The following CIITA variants were observed in gnomAD, a reference collection of about 807,000 sequenced individuals.
The protein encoded by CIITA is MHC class II transactivator.
In CIITA, 72 loss-of-function variants were observed where a neutral mutation model predicts 115.1. The ratio of observed to expected loss-of-function variants is 0.63; its 90% CI spans 0.52 to 0.76. The LOEUF is 0.76. CIITA is among the 30% of genes least tolerant of loss of function. The pLI, the probability that CIITA is intolerant of heterozygous loss-of-function variation, is 0.00. For missense variants in CIITA, 1,617 were observed against 1,463.8 expected (o/e 1.10, Z -1.71); for synonymous variants, 763 against 635.6 (o/e 1.20, Z -3.02).
rs1363029212 is a variant in CIITA, at chr16:10,879,810, C to T, written c.52+2428C>T. On this transcript the variant is annotated intron_variant, in intron 1 of 19. Transcript: ENST00000324288. This position sits in a 1 kb window ranked among gnomAD's most constrained non-coding sequence, Gnocchi z 4.3. ...GGATCTCCCTGGGGTCCAGGAAAGCCGGAATCGGAGCCACCATGCTTAGCT... is the reference window on the plus strand; with the variant it reads ...GGATCTCCCTGGGGTCCAGGAAAGCTGGAATCGGAGCCACCATGCTTAGCT... Among the ~76,000 whole-genome samples the T allele has an allele frequency of 1.3e-5, 2 of 152,112 alleles. No homozygotes were observed. Among genetic ancestry groups the T allele is most frequent in the African/African-American group, 4.8e-5 (2 of 41,432 alleles).
chr16:10,902,067 C>G lies in CIITA; in HGVS notation c.511C>G (p.Leu171Val), dbSNP rs901206559. The change falls in exon 7 of 20, where the codon CTC becomes GTC. Residue 171 changes from leucine to valine, a missense_variant. By Grantham distance (32) the Leu-to-Val change is conservative (BLOSUM62 1). Transcript: ENST00000324288. ...GCCCCCCACTGTGGTGACTGGCAGT[C>G]TCCTAGTGGGACCAGTGAGCGACTG... Reference protein sequence around the residue: ...AEPPTVVTGSLLVGPVSDCST... With the variant: ...AEPPTVVTGSVLVGPVSDCST... 1.2e-6 allele frequency: 2 copies of G among 1,614,166 alleles called. No homozygotes were observed. The highest frequency in any genetic ancestry group is 1.7e-6 in the Non-Finnish European group (2 of 1,180,030).
rs537998103 is a variant in CIITA, at chr16:10,932,741, G to A, written c.*8886G>A. 5.5e-5 allele frequency: 8 copies of A among 144,282 alleles called. No homozygotes were observed. The highest frequency in any genetic ancestry group is 4.2e-4 in the Admixed American group (6 of 14,164). 8.9% of individuals were successfully genotyped at this position (144,282 alleles called of 1,614,324 possible). ...GACAGGGTCTTGCTTTGTCACCCAG[G>A]CTGGAGGGCAGTGGCATGATCTTGG... On this transcript the variant is annotated 3_prime_UTR_variant, in exon 20 of 20. Coordinates refer to ENST00000324288, the MANE Select transcript of CIITA (RefSeq NM_000246.4).
chr16:10,867,300 A>G (rs994452907), intron 1 of CIITA, among the ~76,000 whole-genome samples: 3 of 139,088 alleles, frequency 2.2e-5, no homozygotes, highest in Non-Finnish European at 4.8e-5. Flanking sequence ...GAAAAAGCTG[A>G]AAGCAGAGCC....
chr16:10,910,298 G>A (rs758733019), intron 13 of CIITA, 39 bp downstream of exon 13: 5 of 1,554,948 alleles, frequency 3.2e-6, no homozygotes, highest in Non-Finnish European at 4.4e-6. Flanking sequence ...GTCTGCGCAA[G>A]GTTTCCCCTG....
At chr16:10,937,412 T>C (rs182936297), downstream of CIITA, 2 of 152,446 alleles carry the variant, frequency 1.3e-5, no homozygotes, top group African/African-American at 4.8e-5. This position sits in a 1 kb window ranked among gnomAD's most constrained non-coding sequence, Gnocchi z 4.2. Flanking sequence ...GTTCTGCTGA[T>C]AGCACAGGCC....
At position 10,916,348 on chromosome 16, in the gene CIITA, C is replaced by T. The variant is rs2039948385; in HGVS notation, c.2970-19C>T. On this transcript the variant is annotated intron_variant, in intron 14 of 19. Transcript: ENST00000324288. Reference sequence around the variant, plus strand: ...CCCCAGGACGCTAGCTGATGGCCCCCATCTGATTCCACCTGCAGCCTGGAT... The same window carrying T: ...CCCCAGGACGCTAGCTGATGGCCCCTATCTGATTCCACCTGCAGCCTGGAT... 1 of 1,612,568 alleles carries T rather than the reference C, an allele frequency of 6.2e-7. No homozygotes were observed. Among genetic ancestry groups the T allele is most frequent in the Non-Finnish European group, 8.5e-7 (1 of 1,179,112 alleles).
intron 1 of CIITA, among the ~76,000 whole-genome samples, chr16:10,893,247 G>T (rs2037776320): frequency 6.6e-6 from 1 of 152,192 alleles, no homozygotes; most frequent in Non-Finnish European, 1.5e-5. Flanking sequence ...AAGTGCTGTT[G>T]TTCTGAGCTA....
intron 10 of CIITA, among the ~76,000 whole-genome samples, chr16:10,905,635 G>A (rs2039088519): frequency 1.3e-5 from 2 of 152,174 alleles, no homozygotes; most frequent in Middle Eastern, 3.4e-3. Context: ...GGTAGTGGGT[G>A]CCTGTAATCC....
chr16:10,896,685 T>C (rs1202503240), intron 3 of CIITA, among the ~76,000 whole-genome samples: 1 of 152,210 alleles, frequency 6.6e-6, no homozygotes, highest in African/African-American at 2.4e-5. Context: ...CCTGCCCCCA[T>C]TTTCCTTGTT....
Position 10,906,515 on chromosome 16 carries a change from C to G in CIITA, c.1023C>G (p.Phe341Leu). The G allele has an allele frequency of 6.2e-7, 1 of 1,612,056 alleles. No individual in the cohort carries two copies. Among genetic ancestry groups the G allele is most frequent in the Non-Finnish European group, 8.5e-7 (1 of 1,179,910 alleles). The change falls in exon 11 of 20, where the codon TTC becomes TTG. Residue 341 changes from phenylalanine to leucine, a missense_variant. Phe to Leu is a conservative substitution (Grantham distance 22). Coordinates refer to ENST00000324288, the MANE Select transcript of CIITA (RefSeq NM_000246.4). ...CCTTTGCAGAGCCGGTGGAGCAGTT[C>G]TACCGCTCACTGCAGGACACGTATG... ...LPKWPEPVEQFYRSLQDTYGA... is the reference protein window; with the variant it reads ...LPKWPEPVEQLYRSLQDTYGA...
Position 10,910,190 on chromosome 16 carries a change from C to G in CIITA, c.2819C>G (p.Thr940Arg). The stretch of plus-strand genomic sequence containing the variant: ...CTAACATTGCCTGTTCTCTCCAGGA[C>G]GAGAAGTTCCTCGGAAGACACAGCT... ...DLGKLVQTQR[T>R]RSSSEDTAGE... is the part of the protein sequence containing the mutation. The change falls in exon 13 of 20, where the codon ACG (threonine) becomes AGG (arginine). Residue 940 changes from threonine to arginine, a missense_variant and splice_region_variant. Transcript: ENST00000324288. The G allele has an allele frequency of 1.2e-6, 2 of 1,613,834 alleles. No homozygotes were observed. Among genetic ancestry groups the G allele is most frequent in the Middle Eastern group, 1.7e-4 (1 of 6,058 alleles).
chr16:10,899,751 C>T (rs980861145), intron 5 of CIITA, among the ~76,000 whole-genome samples: 5 of 152,170 alleles, frequency 3.3e-5, no homozygotes, highest in Admixed American at 6.5e-5. Flanking sequence ...ACAGGTGAAT[C>T]GCACACAGGG....
chr16:10,904,846 T>C (rs778118781), intron 10 of CIITA, 34 bp downstream of exon 10: 19 of 1,608,788 alleles, frequency 1.2e-5, no homozygotes, highest in Non-Finnish European at 1.4e-5. Flanking sequence ...CCCTGGGTGG[T>C]GGAGATGGAA....
chr16:10,907,388 G>A lies in CIITA; in HGVS notation c.1896G>A (p.Lys632=), dbSNP rs760821006. ...EALLELGEDA[K]LPSTLTGLYV... ...TGCTGGAGCTTGGGGAGGACGCCAAGCTGCCCTCCACGCTCACGGGACTCT... is the reference window on the plus strand; with the variant it reads ...TGCTGGAGCTTGGGGAGGACGCCAAACTGCCCTCCACGCTCACGGGACTCT... The change falls in exon 11 of 20, where the codon AAG becomes AAA. Residue 632 remains lysine (K), a synonymous_variant. Coordinates refer to ENST00000324288, the MANE Select transcript of CIITA (RefSeq NM_000246.4). This position sits in a 1 kb window ranked among gnomAD's most constrained non-coding sequence, Gnocchi z 5.0. 6.2e-7 allele frequency: 1 copy of A among 1,613,320 alleles called. No homozygotes were observed. Among genetic ancestry groups the A allele is most frequent in the South Asian group, 1.1e-5 (1 of 91,078 alleles).
At chr16:10,888,405 C>T (rs2037174867) in intron 1 of CIITA, 1 of 152,230 alleles carries the variant, frequency 6.6e-6, no homozygotes. Flanking sequence ...TCATCTCCCA[C>T]CAGCTGAGAT....
At position 10,879,739 on chromosome 16, in the gene CIITA, G is replaced by A. The variant is rs1359960489; in HGVS notation, c.52+2357G>A. Among the ~76,000 whole-genome samples the A allele has an allele frequency of 1.3e-5, 2 of 152,132 alleles. No individual in the cohort carries two copies. Among genetic ancestry groups the A allele is most frequent in the Admixed American group, 6.5e-5 (1 of 15,284 alleles). On this transcript the variant is annotated intron_variant, in intron 1 of 19. Coordinates refer to ENST00000324288, the MANE Select transcript of CIITA (RefSeq NM_000246.4). This position sits in a 1 kb window ranked among gnomAD's most constrained non-coding sequence, Gnocchi z 4.3. ...ACCCTCTAAGGAGAGAGGCTAAAGC[G>A]CCCCGGAAAGCCAGCGTGCGAATGC...
At chr16:10,909,217 C>T in intron 12 of CIITA, 30 bp downstream of exon 12, 2 of 1,610,666 alleles carry the variant, frequency 1.2e-6, no homozygotes. Context: ...GGAGGTGGTT[C>T]ACGCCATGCA....
rs759425059 is a variant in CIITA, at chr16:10,866,541, C to T, written c.-21+222C>T. On this transcript the variant is annotated intron_variant, in intron 1 of 5. Transcript: ENST00000636238. ...GGAGTGGGCTGCAGCCCCCAGCAGC[C>T]GAGAGGGGCCCCGGCCACAGTGACC... 1.6e-5 allele frequency: 9 copies of T among 549,800 alleles called. 1 individual carries two copies. Among genetic ancestry groups the T allele is most frequent in the Admixed American group, 3.9e-5 (2 of 51,192 alleles). 34.1% of individuals were successfully genotyped at this position (549,800 alleles called of 1,614,324 possible).
Position 10,909,073 on chromosome 16 carries a change from A to C in CIITA, c.2702A>C (p.Gln901Pro). ...DTVALWESLQ[Q>P]HGETKLLQAA... Reference sequence around the variant, plus strand: ...GTGGCGCTGTGGGAGTCCCTGCAGCAGCATGGGGAGACCAAGCTACTTCAG... The same window carrying C: ...GTGGCGCTGTGGGAGTCCCTGCAGCCGCATGGGGAGACCAAGCTACTTCAG... The change falls in exon 12 of 20, where the codon CAG becomes CCG. Residue 901 changes from glutamine (Q) to proline (P), a missense_variant. By Grantham distance (76) the Gln-to-Pro change is moderately conservative. Coordinates refer to ENST00000324288, the MANE Select transcript of CIITA (RefSeq NM_000246.4). The C allele has an allele frequency of 6.2e-7, 1 of 1,614,156 alleles. No individual in the cohort carries two copies. The highest frequency in any genetic ancestry group is 8.5e-7 in the Non-Finnish European group (1 of 1,179,984).
Sources: allele counts gnomAD v4.1 joint callset (sites outside exome capture counted in the v4.1 genomes callset), GRCh38; gene constraint gnomAD v4.1.1; non-coding constraint Gnocchi (gnomAD v3.1); transcripts MANE v1.5; gene names NCBI Gene and HGNC (gene_info 2026-07-23, HGNC 2026-07-21).